Variants in PPM1L observed in about 807,000 individuals in gnomAD.
PPM1L encodes the protein protein phosphatase 1L.
PPM1L carries 13 observed loss-of-function variants against 31.4 expected under a neutral mutation model. The observed-to-expected ratio is 0.41, with a 90% confidence interval of 0.27 to 0.66. PPM1L has a LOEUF of 0.66. Among genes scored for constraint, PPM1L ranks in the 30% least tolerant of loss-of-function variants. The pLI is 0.29. For synonymous variants in PPM1L, 184 were observed against 175.4 expected (o/e 1.05, Z -0.39); for missense variants, 326 against 453.7 (o/e 0.72, Z 2.56).
chr3:160,799,910 GT>G (rs1163927855), intron 1 of PPM1L, among the ~76,000 whole-genome samples: 1 of 151,934 alleles, frequency 6.6e-6, no homozygotes, highest in East Asian at 1.9e-4. Flanking sequence ...TTTGTGTATT[GT>G]ACGTCTCCCC....
chr3:160,984,129 C>T (rs989707219), intron 2 of PPM1L, among the ~76,000 whole-genome samples: 1 of 152,160 alleles, frequency 6.6e-6, no homozygotes, highest in African/African-American at 2.4e-5. Context: ...TTTCCTAATC[C>T]TAGCAAGCCT....
rs771409811 is a variant in PPM1L, at chr3:160,756,545, G to T, written c.237G>T (p.Glu79Asp). 1.9e-6 allele frequency: 3 copies of T among 1,614,150 alleles called. No individual in the cohort carries two copies. The highest frequency in any genetic ancestry group is 1.1e-5 in the South Asian group (1 of 91,072). The part of the protein sequence containing the change: ...NDRLGGLDVL[E>D]AEFSKTWEFK... ...GACTCGGGGGGCTTGATGTGCTCGAGGCCGAGTTTTCCAAGACCTGGGAGT... is the reference window on the plus strand; with the variant it reads ...GACTCGGGGGGCTTGATGTGCTCGATGCCGAGTTTTCCAAGACCTGGGAGT... Residue 79 changes from glutamate to aspartate, a missense_variant, in exon 1 of 4, where the codon GAG (glutamate) becomes GAT (aspartate). Glu to Asp is a conservative substitution (Grantham distance 45, BLOSUM62 2). Transcript: ENST00000498165. This position sits in a 1 kb window ranked among gnomAD's most constrained non-coding sequence, Gnocchi z 6.2.
intron 1 of PPM1L, among the ~76,000 whole-genome samples, chr3:160,930,701 C>T (rs184899994): frequency 6.6e-6 from 1 of 152,254 alleles, no homozygotes; most frequent in Admixed American, 6.5e-5. Flanking sequence ...AGGGAAGCTT[C>T]GTATGGGAAA....
intron 2 of PPM1L, among the ~76,000 whole-genome samples, chr3:160,970,544 G>A (rs1157224988): frequency 6.6e-6 from 1 of 150,606 alleles, no homozygotes; most frequent in Non-Finnish European, 1.5e-5. Flanking sequence ...CCGCCTCCTG[G>A]GTTCAAGCAA....
chr3:160,999,568 C>T (rs149257393), intron 2 of PPM1L, among the ~76,000 whole-genome samples: 486 of 152,340 alleles, frequency 3.2e-3, no homozygotes, highest in Non-Finnish European at 5.8e-3. Flanking sequence ...TCTGCTGCCA[C>T]ACTCTTAGGA....
At chr3:161,049,751 T>C (rs1348608792) in intron 2 of PPM1L, among the ~76,000 whole-genome samples, 2 of 152,122 alleles carry the variant, frequency 1.3e-5, no homozygotes, top group African/African-American at 4.8e-5. Flanking sequence ...TAATAACATT[T>C]CCTGTTGTGA....
chr3:161,041,768 A>G (rs1248677587), intron 2 of PPM1L, among the ~76,000 whole-genome samples: 1 of 151,996 alleles, frequency 6.6e-6, no homozygotes, highest in Non-Finnish European at 1.5e-5. Context: ...CAAACAAAAC[A>G]AAAAACACAC....
At chr3:160,906,437 A>G (rs950243860) in intron 1 of PPM1L, among the ~76,000 whole-genome samples, 3 of 152,110 alleles carry the variant, frequency 2.0e-5, no homozygotes, top group Non-Finnish European at 2.9e-5. Flanking sequence ...CCCCATCTCT[A>G]CTAAAAATAC....
rs778073155 is a variant in PPM1L, at chr3:161,078,073, GTT to G, written c.*8920_*8921del. ...AGATCTGATTGTGATCAAAAGTAGG[GTT>G]TTTGTTTTGTTTTTAATCATGAGCA... On this transcript the variant is annotated 3_prime_UTR_variant, in exon 4 of 4. Coordinates refer to ENST00000498165, the MANE Select transcript of PPM1L (RefSeq NM_139245.4). 6.6e-5 allele frequency: 10 copies of G among 152,126 alleles called. No homozygotes were observed. Among genetic ancestry groups the G allele is most frequent in the Non-Finnish European group, 1.2e-4 (8 of 68,018 alleles). 9.4% of individuals were successfully genotyped at this position (152,126 alleles called of 1,614,324 possible).
Position 161,011,484 on chromosome 3 carries a change from T to G in PPM1L, c.574+49574T>G, listed in dbSNP as rs1398067516. ...CAGCTTTGTTCTTTTGGCTTAGGAT[T>G]GTCTTGGCAATGTGGGCTCTTTTTT... On this transcript the variant is annotated intron_variant, in intron 2 of 3. Coordinates refer to ENST00000498165, the MANE Select transcript of PPM1L (RefSeq NM_139245.4). 3.3e-5 allele frequency among the ~76,000 whole-genome samples: 5 copies of G among 152,268 alleles called. 1 individual carries two copies. Among genetic ancestry groups the G allele is most frequent in the Non-Finnish European group, 7.4e-5 (5 of 68,018 alleles).
intron 1 of PPM1L, among the ~76,000 whole-genome samples, chr3:160,806,226 T>A (rs1712597329): frequency 6.6e-6 from 1 of 152,182 alleles, no homozygotes; most frequent in East Asian, 1.9e-4. Flanking sequence ...TTGCACATTC[T>A]AAACCTTCTT....
intron 2 of PPM1L, among the ~76,000 whole-genome samples, chr3:160,970,445 A>ATTTTTTTTTTTTT (rs1491444648): frequency 3.0e-5 from 1 of 33,462 alleles, no homozygotes. Flanking sequence ...ACCAAGCTGA[A>ATTTTTTTTTTTTT]TATTTTTTTT....
intron 1 of PPM1L, among the ~76,000 whole-genome samples, chr3:160,950,423 G>C (rs950199952): frequency 6.6e-6 from 1 of 152,172 alleles, no homozygotes; most frequent in African/African-American, 2.4e-5. Flanking sequence ...GCAGTTACCA[G>C]CTCTCAGGAC....
chr3:160,908,249 T>A (rs1713831311), intron 1 of PPM1L, among the ~76,000 whole-genome samples: 1 of 152,164 alleles, frequency 6.6e-6, no homozygotes, highest in Admixed American at 6.5e-5. Context: ...GTAGGCTATA[T>A]TTATATTATG....
intron 1 of PPM1L, among the ~76,000 whole-genome samples, chr3:160,959,321 A>T (rs969864280): frequency 2.0e-5 from 3 of 152,174 alleles, no homozygotes; most frequent in Non-Finnish European, 4.4e-5. Context: ...GGGATGAGGG[A>T]TAAAAGACTA....
At chr3:160,822,098 G>C (rs1017362866) in intron 1 of PPM1L, among the ~76,000 whole-genome samples, 1 of 151,874 alleles carries the variant, frequency 6.6e-6, no homozygotes, top group Non-Finnish European at 1.5e-5. Context: ...TTTAGTTTTT[G>C]TACTTTTTTG....
chr3:161,016,952 T>C (rs1599382), intron 2 of PPM1L, among the ~76,000 whole-genome samples: 2 of 152,046 alleles, frequency 1.3e-5, no homozygotes, highest in African/African-American at 4.8e-5. Context: ...TGGAGTATTA[T>C]CTGAACAAAA....
chr3:160,791,026 G>T (rs534507657), intron 1 of PPM1L, among the ~76,000 whole-genome samples: 2 of 152,088 alleles, frequency 1.3e-5, no homozygotes, highest in South Asian at 4.2e-4. Context: ...AGATCCAGAA[G>T]GTCTTTTGAC....
At chr3:160,987,745 C>T (rs568555904) in intron 2 of PPM1L, among the ~76,000 whole-genome samples, 22 of 152,290 alleles carry the variant, frequency 1.4e-4, no homozygotes, top group African/African-American at 4.3e-4. Context: ...TATATGACTT[C>T]AGAATCAGAC....
Sources: allele counts gnomAD v4.1 joint callset (sites outside exome capture counted in the v4.1 genomes callset), GRCh38; gene constraint gnomAD v4.1.1; non-coding constraint Gnocchi (gnomAD v3.1); transcripts MANE v1.5; gene names NCBI Gene and HGNC (gene_info 2026-07-23, HGNC 2026-07-21).